The following DPP10 variants were observed in gnomAD, a reference collection of about 807,000 sequenced individuals.
The protein encoded by DPP10 is inactive dipeptidyl peptidase 10.
Under a neutral mutation model 120.9 loss-of-function variants are expected in DPP10, and 33 were observed. The ratio of observed to expected loss-of-function variants is 0.27; its 90% confidence interval spans 0.21 to 0.37. The LOEUF (loss-of-function observed/expected upper bound fraction) is 0.37. Among genes scored for constraint, DPP10 ranks in the 10% least tolerant of loss-of-function variants. The pLI, the probability that DPP10 is intolerant of heterozygous loss-of-function variation, is 1.00. For synonymous variants in DPP10, 337 were observed against 326.1 expected (o/e 1.03, Z -0.36); for missense variants, 816 against 942.8 (o/e 0.87, Z 1.76).
intron 1 of DPP10, among the ~76,000 whole-genome samples, chr2:114,737,498 A>AT: frequency 6.6e-6 from 1 of 152,354 alleles, no homozygotes; most frequent in South Asian, 2.1e-4. Flanking sequence ...TTTGTAAAGA[A>AT]AGCTTGATGG....
At chr2:114,572,680 G>A (rs986821740) in intron 1 of DPP10, among the ~76,000 whole-genome samples, 2 of 152,138 alleles carry the variant, frequency 1.3e-5, no homozygotes, top group Admixed American at 1.3e-4. Flanking sequence ...TTAATGAAGG[G>A]GAAGGAGGAG....
At chr2:115,694,086 A>C (rs965363341) in intron 7 of DPP10, among the ~76,000 whole-genome samples, 2 of 152,170 alleles carry the variant, frequency 1.3e-5, no homozygotes, top group African/African-American at 2.4e-5. Context: ...TCTTAAGAGA[A>C]ATTTCATATT....
intron 1 of DPP10, among the ~76,000 whole-genome samples, chr2:115,076,518 G>T (rs1707809883): frequency 6.6e-6 from 1 of 152,000 alleles, no homozygotes; most frequent in Non-Finnish European, 1.5e-5. Flanking sequence ...CTGTACTTTT[G>T]TTACATAATT....
chr2:115,013,799 C>T (rs936239345), intron 1 of DPP10, among the ~76,000 whole-genome samples: 2 of 151,960 alleles, frequency 1.3e-5, no homozygotes, highest in African/African-American at 4.8e-5. Flanking sequence ...GCTAACTATC[C>T]TAAATATATA....
chr2:114,796,976 C>T (rs1489684262), intron 1 of DPP10, among the ~76,000 whole-genome samples: 1 of 152,102 alleles, frequency 6.6e-6, no homozygotes, highest in Admixed American at 6.6e-5. Context: ...GTGGTTTGAT[C>T]ATAGAACTCT....
At chr2:115,572,533 A>T (rs1192756576) in intron 5 of DPP10, among the ~76,000 whole-genome samples, 1 of 152,208 alleles carries the variant, frequency 6.6e-6, no homozygotes, top group Non-Finnish European at 1.5e-5. Flanking sequence ...ATATGCATAC[A>T]AATGTGTTTT....
intron 1 of DPP10, among the ~76,000 whole-genome samples, chr2:114,881,025 T>C (rs1212508079): frequency 6.6e-6 from 1 of 152,136 alleles, no homozygotes; most frequent in East Asian, 1.9e-4. Flanking sequence ...TGACCCAGGT[T>C]ACCTAGGTTT....
chr2:114,776,491 A>T (rs1165461441), intron 1 of DPP10, among the ~76,000 whole-genome samples: 1 of 152,198 alleles, frequency 6.6e-6, no homozygotes, highest in Non-Finnish European at 1.5e-5. Flanking sequence ...AATCTCCGTT[A>T]TCAGGCCATA....
chr2:115,773,402 C>G (rs569624095), intron 13 of DPP10, among the ~76,000 whole-genome samples: 8 of 152,176 alleles, frequency 5.3e-5, no homozygotes, highest in Admixed American at 5.2e-4. Flanking sequence ...GGTCACTTGT[C>G]TGGTGTCTAA....
At chr2:115,732,527 C>G (rs1243063354) in intron 8 of DPP10, among the ~76,000 whole-genome samples, 2 of 152,096 alleles carry the variant, frequency 1.3e-5, no homozygotes, top group Non-Finnish European at 2.9e-5. Context: ...GTAATTCGCA[C>G]AAAACACGTA....
intron 1 of DPP10, among the ~76,000 whole-genome samples, chr2:115,158,747 G>A (rs1490667118): frequency 6.6e-6 from 1 of 152,100 alleles, no homozygotes; most frequent in African/African-American, 2.4e-5. Flanking sequence ...TGAATTAGCT[G>A]ATCAAAGATA....
chr2:115,328,814 A>C (rs577271674), intron 2 of DPP10, among the ~76,000 whole-genome samples: 2 of 152,010 alleles, frequency 1.3e-5, no homozygotes, highest in Non-Finnish European at 2.9e-5. Flanking sequence ...ATTTAGTCCA[A>C]CTCTTGGTCT....
At chr2:114,477,870 T>C (rs1054977784) in intron 1 of DPP10, among the ~76,000 whole-genome samples, 2 of 115,346 alleles carry the variant, frequency 1.7e-5, no homozygotes, top group Admixed American at 1.1e-4. Flanking sequence ...TGTATATATG[T>C]ACATATATGT....
At chr2:114,711,266 G>T (rs1701011382) in intron 1 of DPP10, among the ~76,000 whole-genome samples, 1 of 152,184 alleles carries the variant, frequency 6.6e-6, no homozygotes, top group African/African-American at 2.4e-5. Context: ...GGGTGGCACA[G>T]GGTGAATAGA....
intron 1 of DPP10, among the ~76,000 whole-genome samples, chr2:115,162,775 T>G (rs1192865955): frequency 2.0e-5 from 3 of 152,046 alleles, no homozygotes; most frequent in Non-Finnish European, 2.9e-5. Context: ...CCCTTTTTGT[T>G]TTGGTCTTTA....
chr2:115,067,867 A>G (rs1448566298), intron 1 of DPP10, among the ~76,000 whole-genome samples: 1 of 105,118 alleles, frequency 9.5e-6, no homozygotes, highest in African/African-American at 4.6e-5. Flanking sequence ...GTCTCAAAAA[A>G]AAAAAAAAAA....
intron 1 of DPP10, among the ~76,000 whole-genome samples, chr2:115,188,102 GA>G (rs1409955998): frequency 6.6e-6 from 1 of 151,612 alleles, no homozygotes; most frequent in East Asian, 1.9e-4. Context: ...CAGGAGAGAA[GA>G]GAAATCTCAG....
At chr2:114,577,514 G>A (rs1690153379) in intron 1 of DPP10, among the ~76,000 whole-genome samples, 1 of 152,190 alleles carries the variant, frequency 6.6e-6, no homozygotes, top group Non-Finnish European at 1.5e-5. Flanking sequence ...CATTGATGAC[G>A]AGGCCGGAGG....
At chr2:114,866,950 C>T (rs1269145890) in intron 1 of DPP10, among the ~76,000 whole-genome samples, 1 of 152,186 alleles carries the variant, frequency 6.6e-6, no homozygotes, top group East Asian at 1.9e-4. Flanking sequence ...TCAGTTTGAG[C>T]AGCCTTCCAG....
Sources: gnomAD v4.1 joint callset for allele counts (sites outside exome capture counted in the v4.1 genomes callset) on GRCh38, gnomAD v4.1.1 for gene constraint, MANE v1.5 for transcripts, NCBI Gene and HGNC (gene_info 2026-07-23, HGNC 2026-07-21) for gene names.